The following USP32 variants were observed in gnomAD, a reference collection of about 807,000 sequenced individuals.
USP32 encodes ubiquitin carboxyl-terminal hydrolase 32.
A neutral mutation model predicts 204.8 loss-of-function variants in USP32; 59 were observed. The ratio of observed to expected loss-of-function variants is 0.29; its 90% confidence interval spans 0.23 to 0.36. The LOEUF (loss-of-function observed/expected upper bound fraction) is 0.36. USP32 is among the 10% of genes least tolerant of loss of function. The probability of loss-of-function intolerance (pLI) is 1.00; values close to 1 mark genes in which losing one functional copy is unlikely to be tolerated. For synonymous variants in USP32, 517 were observed against 678.4 expected (o/e 0.76, Z 3.70); for missense variants, 1,160 against 1,946.4 (o/e 0.60, Z 7.60).
At chr17:60,373,699 C>T (rs1465988465) in intron 1 of USP32, among the ~76,000 whole-genome samples, 3 of 152,068 alleles carry the variant, frequency 2.0e-5, no homozygotes, top group Non-Finnish European at 4.4e-5. Flanking sequence ...GATCCACCCG[C>T]CTCGTCCTCC....
chr17:60,240,111 T>C (rs530257211), intron 11 of USP32, among the ~76,000 whole-genome samples: 230 of 152,366 alleles, frequency 1.5e-3, no homozygotes, highest in African/African-American at 5.4e-3. Context: ...TAATTGATTT[T>C]AAATGTTTGT....
intron 4 of USP32, among the ~76,000 whole-genome samples, chr17:60,289,863 T>A (rs950463717): frequency 1.4e-4 from 22 of 152,172 alleles, no homozygotes; most frequent in African/African-American, 5.3e-4. Context: ...ATACGAATAA[T>A]TAGTTACCTA....
chr17:60,387,592 C>T (rs78832134), intron 1 of USP32, among the ~76,000 whole-genome samples: 9,073 of 152,200 alleles, frequency 0.06, 355 homozygotes, highest in East Asian at 0.11. Flanking sequence ...TAAACATACA[C>T]AAGTTAGAAC....
intron 16 of USP32, among the ~76,000 whole-genome samples, chr17:60,218,969 TAA>T (rs1000376078): frequency 3.3e-4 from 51 of 152,362 alleles, no homozygotes; most frequent in African/African-American, 1.2e-3. Context: ...TGCCCGTCAA[TAA>T]AGTTTAACCT....
intron 1 of USP32, chr17:60,421,624 C>T: frequency 1.0e-6 from 1 of 974,424 alleles, no homozygotes; most frequent in Non-Finnish European, 1.2e-6. Context: ...GCCGGGACCC[C>T]GCCGTGTGCC....
intron 2 of USP32, among the ~76,000 whole-genome samples, chr17:60,325,654 C>T (rs987200576): frequency 3.3e-5 from 5 of 151,960 alleles, no homozygotes; most frequent in Admixed American, 6.6e-5. Flanking sequence ...GGGCCAGGCG[C>T]GGTGGCTCAC....
chr17:60,381,321 G>A (rs1053590866), intron 1 of USP32, among the ~76,000 whole-genome samples: 6 of 151,964 alleles, frequency 3.9e-5, no homozygotes, highest in Non-Finnish European at 8.8e-5. Flanking sequence ...CACATCTGGA[G>A]TCCCAGACAC....
At chr17:60,369,248 C>T (rs2089389114) in intron 1 of USP32, among the ~76,000 whole-genome samples, 1 of 137,676 alleles carries the variant, frequency 7.3e-6, no homozygotes, top group Non-Finnish European at 1.5e-5. Context: ...CCCGCCTCGG[C>T]CTCCCAAAGT....
chr17:60,390,119 T>C (rs17500200), intron 1 of USP32, among the ~76,000 whole-genome samples: 5,769 of 152,318 alleles, frequency 0.038, 181 homozygotes, highest in Non-Finnish European at 0.052. Flanking sequence ...AGGCAGACAC[T>C]GTATAAGAAA....
chr17:60,186,147 G>C (rs1319766076), intron 29 of USP32, among the ~76,000 whole-genome samples: 1 of 152,062 alleles, frequency 6.6e-6, no homozygotes, highest in Non-Finnish European at 1.5e-5. Context: ...GTAACATTCT[G>C]GATAAAATTT....
chr17:60,419,817 AATTATT>A (rs113546748), intron 1 of USP32, among the ~76,000 whole-genome samples: 21,980 of 138,480 alleles, frequency 0.16, 1,918 homozygotes, highest in East Asian at 0.31. Flanking sequence ...GGTTAAAAAA[AATTATT>A]ATTATTATTA....
chr17:60,375,354 TC>T (rs952363942), intron 1 of USP32, among the ~76,000 whole-genome samples: 5 of 152,198 alleles, frequency 3.3e-5, no homozygotes, highest in Non-Finnish European at 7.3e-5. Flanking sequence ...ATTTTTACAG[TC>T]CCATACTACT....
chr17:60,235,565 G>A (rs1211470017), intron 12 of USP32, among the ~76,000 whole-genome samples: 1 of 152,152 alleles, frequency 6.6e-6, no homozygotes, highest in African/African-American at 2.4e-5. Context: ...TGATCATTTG[G>A]CAATGAGTGT....
chr17:60,213,988 G>A (rs1261597202), intron 17 of USP32, among the ~76,000 whole-genome samples: 1 of 151,508 alleles, frequency 6.6e-6, no homozygotes, highest in African/African-American at 2.4e-5. Flanking sequence ...TGTTGCCCAG[G>A]CTGGAGTATA....
intron 13 of USP32, among the ~76,000 whole-genome samples, chr17:60,224,601 A>G (rs1364133036): frequency 6.6e-6 from 1 of 152,180 alleles, no homozygotes; most frequent in Admixed American, 6.5e-5. Flanking sequence ...CACAGGCAAC[A>G]TGAGACCTCG....
At chr17:60,277,798 A>G (rs1298785125) in intron 5 of USP32, among the ~76,000 whole-genome samples, 1 of 152,208 alleles carries the variant, frequency 6.6e-6, no homozygotes, top group Non-Finnish European at 1.5e-5. Context: ...GGAAATGCCA[A>G]AAACTTTCTT....
intron 2 of USP32, among the ~76,000 whole-genome samples, chr17:60,336,999 CAGTATCAAG>C (rs1467241529): frequency 6.6e-6 from 1 of 152,196 alleles, no homozygotes; most frequent in Non-Finnish European, 1.5e-5. Flanking sequence ...CAGTGACCAA[CAGTATCAAG>C]AGTTATCAAT....
chr17:60,282,025 A>G (rs1473319844), intron 5 of USP32, among the ~76,000 whole-genome samples: 1 of 152,220 alleles, frequency 6.6e-6, no homozygotes, highest in Non-Finnish European at 1.5e-5. Flanking sequence ...AGGATAGGAC[A>G]AAACTCAACT....
At chr17:60,253,710 G>A (rs1417908439) in intron 10 of USP32, among the ~76,000 whole-genome samples, 1 of 152,066 alleles carries the variant, frequency 6.6e-6, no homozygotes, top group Non-Finnish European at 1.5e-5. Context: ...AGGTTGCAAT[G>A]AGCCCAGATC....
Sources: gnomAD v4.1 joint callset for allele counts (sites outside exome capture counted in the v4.1 genomes callset) on GRCh38, gnomAD v4.1.1 for gene constraint, MANE v1.5 for transcripts, NCBI Gene and HGNC (gene_info 2026-07-23, HGNC 2026-07-21) for gene names.